The following UGGT1 variants were observed in gnomAD, a reference collection of about 807,000 sequenced individuals.
UGGT1 encodes the protein UDP-glucose glycoprotein glucosyltransferase 1, also known as UDP-glucose:glycoprotein glucosyltransferase 1.
A neutral mutation model predicts 203.9 loss-of-function variants in UGGT1; 107 were observed. That is an observed-to-expected ratio of 0.52 (90% confidence interval 0.45 to 0.62). UGGT1 has a LOEUF of 0.62. Among genes scored for constraint, UGGT1 ranks in the 20% least tolerant of loss-of-function variants. The probability of loss-of-function intolerance (pLI) is 0.00; values close to 1 mark genes in which losing one functional copy is unlikely to be tolerated. For synonymous variants in UGGT1, 628 were observed against 653.5 expected (o/e 0.96, Z 0.59); for missense variants, 1,673 against 1,867.2 (o/e 0.90, Z 1.92).
At chr2:128,091,463 GGGGCACAAGGCGACCCT>G in intron 1 of UGGT1, 48 bp downstream of exon 1, 1 of 1,552,590 alleles carries the variant, frequency 6.4e-7, no homozygotes, top group South Asian at 1.2e-5. Context: ...GAGAGGGTTT[GGGGCACAAGGCGACCCT>G]GTGCCCCTGT....
At chr2:128,189,615 G>T in intron 40 of UGGT1, 102 bp from the exon 41 acceptor site, 1 of 1,146,024 alleles carries the variant, frequency 8.7e-7, no homozygotes, top group East Asian at 2.5e-5. Context: ...GATGAAGGTG[G>T]AGGTACAAAG....
chr2:128,146,622 A>T (rs1410770719), intron 18 of UGGT1, among the ~76,000 whole-genome samples: 2 of 152,036 alleles, frequency 1.3e-5, no homozygotes, highest in African/African-American at 2.4e-5. Context: ...CAGTCTTTTG[A>T]ACGGTACAAT....
chr2:128,160,382 G>C, intron 23 of UGGT1, 78 bp from the exon 24 acceptor site: 1 of 1,432,720 alleles, frequency 7.0e-7, no homozygotes, highest in Non-Finnish European at 9.3e-7. Context: ...AATTTTTATG[G>C]TTTATTCACT....
At chr2:128,159,803 T>C in intron 23 of UGGT1, 83 bp downstream of exon 23, 3 of 1,378,672 alleles carry the variant, frequency 2.2e-6, no homozygotes, top group Non-Finnish European at 3.0e-6. Flanking sequence ...GTCCGGTTCA[T>C]GATCACGATT....
intron 37 of UGGT1, 62 bp downstream of exon 37, chr2:128,182,352 G>T (rs748073690): frequency 5.9e-6 from 9 of 1,535,790 alleles, no homozygotes; most frequent in Non-Finnish European, 7.9e-6. Context: ...ATTTTGTGTG[G>T]TTAAAATTGT....
At chr2:128,110,050 C>G (rs142676089) in intron 5 of UGGT1, among the ~76,000 whole-genome samples, 2 of 152,094 alleles carry the variant, frequency 1.3e-5, no homozygotes, top group Admixed American at 6.5e-5. Context: ...TTGTCATTGG[C>G]TTAGTAAGGA....
chr2:128,153,786 T>G (rs1690095975), intron 19 of UGGT1, among the ~76,000 whole-genome samples: 1 of 152,176 alleles, frequency 6.6e-6, no homozygotes, highest in South Asian at 2.1e-4. Flanking sequence ...CCAAATATGT[T>G]AAGCCCAGGT....
Position 128,178,561 on chromosome 2 carries a change from A to T in UGGT1, c.3807A>T (p.Arg1269Ser), listed in dbSNP as rs1366994111. The change falls in exon 34 of 41, where the codon AGA becomes AGT. Residue 1269 changes from arginine (R) to serine (S), a missense_variant. Physicochemically the swap from Arg to Ser is moderately radical, Grantham distance 110. Transcript: ENST00000259253. ...TTGCATCTGGTCATCTCTACGAAAG[A>T]TTTCTTCGGTCAGTCTTGTTGATTA... ...FSVASGHLYE[R>S]FLRIMMLSVL... 1 of 1,611,208 alleles carries T rather than the reference A, an allele frequency of 6.2e-7. No homozygotes were observed.
At chr2:128,171,138 C>A in intron 27 of UGGT1, 67 bp from the exon 28 acceptor site, 1 of 1,385,092 alleles carries the variant, frequency 7.2e-7, no homozygotes, top group South Asian at 1.3e-5. Context: ...ATTAATAGCT[C>A]AGTGTCAAAT....
At position 128,113,104 on chromosome 2, in the gene UGGT1, AAGG is replaced by A. The variant is rs1248280248; in HGVS notation, c.545_547del (p.Gly182del). 6.3e-7 allele frequency: 1 copy of A among 1,594,604 alleles called. No individual in the cohort carries two copies. Among genetic ancestry groups the A allele is most frequent in the East Asian group, 2.3e-5 (1 of 44,318 alleles). On this transcript the variant is annotated inframe_deletion, in exon 6 of 41. Coordinates refer to ENST00000259253, the MANE Select transcript of UGGT1 (RefSeq NM_020120.4). The stretch of plus-strand genomic sequence containing the variant: ...TTCAGACCCAAACCTTTATTGTTCA[AAGG>A]AGATCACAGATATCCCTCGTCTAAT...
Position 128,192,480 on chromosome 2 carries a change from A to G in UGGT1, c.*2738A>G, listed in dbSNP as rs1558839389. On this transcript the variant is annotated 3_prime_UTR_variant, in exon 41 of 41. Transcript: ENST00000259253. ...TCACAGTATGTTGTTCTTAGCTGTT[A>G]TTTATATAAAGTGAATTATTTTCTC... The G allele has an allele frequency of 6.6e-6, 1 of 152,178 alleles. No homozygotes were observed. Among genetic ancestry groups the G allele is most frequent in the Non-Finnish European group, 1.5e-5 (1 of 68,032 alleles). The allele number at this position is 152,178 out of a possible 1,614,324, so 9.4% of individuals were successfully genotyped here.
chr2:128,091,249 A>G lies in UGGT1; in HGVS notation c.-109A>G. 8.2e-7 allele frequency: 1 copy of G among 1,217,436 alleles called. No individual in the cohort carries two copies. The highest frequency in any genetic ancestry group is 1.6e-5 in the South Asian group (1 of 64,316). 75.4% of individuals were successfully genotyped at this position (1,217,436 alleles called of 1,614,324 possible). A position where few individuals can be genotyped will look rare whatever the true frequency, so the allele number is the denominator to read the frequency against. Reference sequence around the variant, plus strand: ...TGGGTGTTGAGTCGAGCCGCGGGAAAGGCGCGTGTCGGCCTCTCACTGGCG... The same window carrying G: ...TGGGTGTTGAGTCGAGCCGCGGGAAGGGCGCGTGTCGGCCTCTCACTGGCG... On this transcript the variant is annotated 5_prime_UTR_variant, in exon 1 of 41. Transcript: ENST00000259253.
intron 11 of UGGT1, among the ~76,000 whole-genome samples, chr2:128,127,081 T>C (rs1257153082): frequency 6.6e-6 from 1 of 152,214 alleles, no homozygotes; most frequent in African/African-American, 2.4e-5. Flanking sequence ...CAGTTCACAA[T>C]TGATACACCT....
Position 128,187,540 on chromosome 2 carries a change from T to TACAG in UGGT1, c.4570_4573dup (p.Ile1525ThrfsTer30). ...GACTACGACCAAGAGATCAAACAGC[T>TACAG]ACAGATCCGCTTTCAGAAGGAGAAA... On this transcript the variant is annotated frameshift_variant, in exon 40 of 41. Coordinates refer to ENST00000259253, the MANE Select transcript of UGGT1 (RefSeq NM_020120.4). LOFTEE classifies it high-confidence loss of function. 6.2e-7 allele frequency: 1 copy of TACAG among 1,614,122 alleles called. No homozygotes were observed. Among genetic ancestry groups the TACAG allele is most frequent in the Non-Finnish European group, 8.5e-7 (1 of 1,180,020 alleles).
intron 18 of UGGT1, among the ~76,000 whole-genome samples, chr2:128,150,684 T>TAC (rs1553440967): frequency 4.1e-5 from 4 of 98,748 alleles, no homozygotes; most frequent in Admixed American, 3.5e-4. Flanking sequence ...TTTTTTTTTT[T>TAC]ACAAATGTTT....
chr2:128,112,537 C>A (rs1395574968), intron 5 of UGGT1, among the ~76,000 whole-genome samples: 1 of 135,706 alleles, frequency 7.4e-6, no homozygotes, highest in Non-Finnish European at 1.6e-5. Flanking sequence ...GGCCCTTTTC[C>A]TCCCCTTTTA....
At chr2:128,147,851 C>T (rs1689763742) in intron 18 of UGGT1, among the ~76,000 whole-genome samples, 1 of 152,050 alleles carries the variant, frequency 6.6e-6, no homozygotes, top group South Asian at 2.1e-4. Flanking sequence ...ACTCCTGGGC[C>T]CAAGTGATCT....
intron 35 of UGGT1, 121 bp from the exon 36 acceptor site, chr2:128,180,769 A>T: frequency 9.6e-7 from 1 of 1,044,934 alleles, no homozygotes; most frequent in South Asian, 1.7e-5. Flanking sequence ...GGTCTTTGTA[A>T]GACCACTGTT....
At chr2:128,097,347 C>T (rs1231596488) in intron 1 of UGGT1, 82 bp from the exon 2 acceptor site, 4 of 1,500,746 alleles carry the variant, frequency 2.7e-6, no homozygotes, top group African/African-American at 1.4e-5. Flanking sequence ...TGCACTCCAG[C>T]CTGGGCGACA....
Sources: gnomAD v4.1 joint callset for allele counts (sites outside exome capture counted in the v4.1 genomes callset) on GRCh38, gnomAD v4.1.1 for gene constraint, MANE v1.5 for transcripts, NCBI Gene and HGNC (gene_info 2026-07-23, HGNC 2026-07-21) for gene names.